Variants in MACF1 observed in about 807,000 individuals in gnomAD.
The protein encoded by MACF1 is microtubule actin crosslinking factor 1.
MACF1 carries 193 observed loss-of-function variants against 854.8 expected under a neutral mutation model. The observed-to-expected ratio is 0.23, with a 90% confidence interval of 0.20 to 0.25. The LOEUF (loss-of-function observed/expected upper bound fraction) is 0.25, where lower values mean the gene tolerates loss of function less well. Ranked by LOEUF, MACF1 falls within the 10% of genes least tolerant of loss-of-function variation. MACF1 has a pLI of 1.00. For synonymous variants in MACF1, 3,185 were observed against 3,226.7 expected, an observed-to-expected ratio of 0.99 and a Z score of 0.44; for missense variants, 7,722 against 8,929.1, an observed-to-expected ratio of 0.86 and a Z score of 5.45.
intron 84 of MACF1, among the ~76,000 whole-genome samples, chr1:39,449,292 A>G (rs1644287642): frequency 6.6e-6 from 1 of 152,230 alleles, no homozygotes; most frequent in Non-Finnish European, 1.5e-5. Flanking sequence ...CTGTTGGCAG[A>G]GCTGAGGTTT....
chr1:39,198,290 C>T (rs1644347514), intron 2 of MACF1, among the ~76,000 whole-genome samples: 1 of 151,558 alleles, frequency 6.6e-6, no homozygotes, highest in Non-Finnish European at 1.5e-5. Context: ...GGATGGATCA[C>T]CTGAGGTCAG....
chr1:39,482,398 C>A (rs756003453), intron 99 of MACF1, among the ~76,000 whole-genome samples: 2 of 152,180 alleles, frequency 1.3e-5, no homozygotes, highest in Non-Finnish European at 2.9e-5. Context: ...CTTTTCTCTT[C>A]TGTTTGCATA....
intron 2 of MACF1, among the ~76,000 whole-genome samples, chr1:39,172,805 A>G (rs1359072894): frequency 6.6e-6 from 1 of 152,222 alleles, no homozygotes; most frequent in Admixed American, 6.5e-5. Flanking sequence ...TATTATAGTA[A>G]CGTTACTGTG....
chr1:39,297,791 AAACCAT>A, intron 21 of MACF1, 46 bp downstream of exon 21: 1 of 1,604,580 alleles, frequency 6.2e-7, no homozygotes, highest in South Asian at 1.1e-5. Flanking sequence ...GAAAGAGAGT[AAACCAT>A]ATCAGCTGCT....
At chr1:39,133,796 T>C (rs1332623943) in intron 2 of MACF1, among the ~76,000 whole-genome samples, 3 of 152,176 alleles carry the variant, frequency 2.0e-5, no homozygotes, top group Non-Finnish European at 4.4e-5. Flanking sequence ...TCTCCAGAAC[T>C]TATTCATTTT....
intron 26 of MACF1, among the ~76,000 whole-genome samples, chr1:39,312,108 G>A (rs1237783280): frequency 6.6e-6 from 1 of 152,132 alleles, no homozygotes; most frequent in East Asian, 1.9e-4. Flanking sequence ...AAGGTTGACT[G>A]CATGCTTTGG....
At chr1:39,247,068 A>ATT (rs58410726) in intron 2 of MACF1, among the ~76,000 whole-genome samples, 2,275 of 93,394 alleles carry the variant, frequency 0.024, 104 homozygotes, top group East Asian at 0.13. Flanking sequence ...TGCCCGGCTA[A>ATT]TTTTTTTTTT....
chr1:39,387,121 C>CT, intron 57 of MACF1, 66 bp from the exon 58 acceptor site: 1 of 1,547,508 alleles, frequency 6.5e-7, no homozygotes, highest in Non-Finnish European at 8.7e-7. Context: ...ACCGTATACT[C>CT]TCAGCAAACA....
intron 26 of MACF1, among the ~76,000 whole-genome samples, chr1:39,314,926 C>T (rs1039675121): frequency 1.5e-4 from 23 of 152,210 alleles, no homozygotes; most frequent in Admixed American, 4.6e-4. Context: ...CCCTTTCTTC[C>T]CCTTCAGTGT....
chr1:39,222,437 T>C (rs573958254), intron 1 of MACF1, among the ~76,000 whole-genome samples: 1 of 152,318 alleles, frequency 6.6e-6, no homozygotes, highest in African/African-American at 2.4e-5. Context: ...CTTGTGCTTT[T>C]TTTAAGTTTG....
chr1:39,234,520 GAC>G (rs1296137073), intron 2 of MACF1, among the ~76,000 whole-genome samples: 2 of 127,862 alleles, frequency 1.6e-5, no homozygotes, highest in Non-Finnish European at 3.4e-5. Flanking sequence ...TCACCTCCCG[GAC>G]GGGGCGGCTG....
At chr1:39,098,364 C>T (rs183905079) in intron 2 of MACF1, among the ~76,000 whole-genome samples, 1 of 152,358 alleles carries the variant, frequency 6.6e-6, no homozygotes, top group East Asian at 1.9e-4. Flanking sequence ...CAAGGTCTCC[C>T]AGCCAGTAAG....
intron 2 of MACF1, among the ~76,000 whole-genome samples, chr1:39,088,041 C>G (rs945961349): frequency 8.6e-5 from 13 of 151,938 alleles, no homozygotes; most frequent in Non-Finnish European, 1.2e-4. Context: ...TGCTGGATCT[C>G]AGCTCACTGC....
chr1:39,199,909 C>T (rs1644367917), upstream of MACF1, among the ~76,000 whole-genome samples: 1 of 152,222 alleles, frequency 6.6e-6, no homozygotes, highest in Non-Finnish European at 1.5e-5. Context: ...TTCTTATTCC[C>T]TTCAGCAAAC....
chr1:39,465,402 A>C (rs1470204308), intron 95 of MACF1, among the ~76,000 whole-genome samples: 1 of 152,254 alleles, frequency 6.6e-6, no homozygotes, highest in Non-Finnish European at 1.5e-5. Context: ...TCTGTGTTAG[A>C]AGTCAGATTA....
chr1:39,220,916 T>TA (rs1644644543), intron 1 of MACF1, among the ~76,000 whole-genome samples: 3 of 152,192 alleles, frequency 2.0e-5, no homozygotes, highest in Non-Finnish European at 4.4e-5. Context: ...GAAGAAACTT[T>TA]AAAGTGCCAT....
intron 40 of MACF1, 117 bp from the exon 41 acceptor site, chr1:39,346,860 G>T: frequency 1.4e-6 from 1 of 709,744 alleles, no homozygotes. Flanking sequence ...AATCATTAGT[G>T]CCAGTTATGA....
In MACF1 at chr1:39,315,596, A is replaced by G. The variant is rs745610958; in HGVS notation, c.3354A>G (p.Pro1118=). The G allele has an allele frequency of 6.2e-7, 1 of 1,614,006 alleles. No homozygotes were observed. The highest frequency in any genetic ancestry group is 1.3e-5 in the African/African-American group (1 of 74,916). ...GTGACAGCTTTCTCCATCAGTCTCC[A>G]TCTAGTTCAAGTGTCCCAACTCTGC... ...MKCDSFLHQS[P]SSSSVPTLRS... Residue 1118 remains proline (P), a synonymous_variant, in exon 27 of 101, where the codon CCA becomes CCG. Coordinates refer to ENST00000564288, the MANE Select transcript of MACF1 (RefSeq NM_001394062.1).
At chr1:39,225,342 G>C (rs966421179) in intron 1 of MACF1, among the ~76,000 whole-genome samples, 39 of 149,040 alleles carry the variant, frequency 2.6e-4, no homozygotes, top group Non-Finnish European at 4.7e-4. Flanking sequence ...TCAGCCTCCC[G>C]AGTAGCTGGG....
Sources: allele counts gnomAD v4.1 joint callset (sites outside exome capture counted in the v4.1 genomes callset), GRCh38; gene constraint gnomAD v4.1.1; transcripts MANE v1.5; gene names NCBI Gene and HGNC (gene_info 2026-07-23, HGNC 2026-07-21).